The following TCERG1L variants were observed in gnomAD, a reference collection of about 807,000 sequenced individuals.
TCERG1L encodes transcription elongation regulator 1 like.
A neutral mutation model predicts 56.3 loss-of-function variants in TCERG1L; 37 were observed. The ratio of observed to expected loss-of-function variants is 0.66; its 90% CI spans 0.51 to 0.87. TCERG1L has a LOEUF of 0.87. TCERG1L is among the 40% of genes least tolerant of loss of function. The probability of loss-of-function intolerance (pLI) is 0.00; values close to 1 mark genes in which losing one functional copy is unlikely to be tolerated. For synonymous variants in TCERG1L, 324 were observed against 326.3 expected (o/e 0.99, Z 0.08); for missense variants, 799 against 774.2 (o/e 1.03, Z -0.38).
chr10:131,293,283 T>C (rs577992287), intron 3 of TCERG1L, among the ~76,000 whole-genome samples: 11 of 152,236 alleles, frequency 7.2e-5, no homozygotes, highest in Non-Finnish European at 1.5e-4. Flanking sequence ...GATGGTTTCA[T>C]GTTTAACATC....
In TCERG1L at chr10:131,260,617, A is replaced by G. The variant is rs987972956; in HGVS notation, c.671-173T>C. 2.0e-5 allele frequency among the ~76,000 whole-genome samples: 3 copies of G among 152,130 alleles called. No homozygotes were observed. The highest frequency in any genetic ancestry group is 2.0e-4 in the Admixed American group (3 of 15,278). On this transcript the variant is annotated intron_variant, in intron 3 of 11. Coordinates refer to ENST00000368642, the MANE Select transcript of TCERG1L (RefSeq NM_174937.4). This position sits in a 1 kb window ranked among gnomAD's most constrained non-coding sequence, Gnocchi z 5.8. ...ACCGTCCGCAGAACAAATGCTTCTG[A>G]TGAGTTCTCCATCAGTCAAACGCTG... is the stretch of plus-strand genomic sequence containing the variant.
Position 131,268,796 on chromosome 10 carries a change from T to C in TCERG1L, c.671-8352A>G, listed in dbSNP as rs866962759. Among the ~76,000 whole-genome samples the C allele has an allele frequency of 2.6e-5, 4 of 152,332 alleles. No homozygotes were observed. In the Middle Eastern group the frequency reaches 0.01, roughly 389 times the overall value. On this transcript the variant is annotated intron_variant, in intron 3 of 11. Coordinates refer to ENST00000368642, the MANE Select transcript of TCERG1L (RefSeq NM_174937.4). ...TTTTCTTCTGCTGCTTCCTCACCTC[T>C]CTCAGCCTTCACAGAGTTGAAGACA...
At chr10:131,131,223 A>G (rs1300756112) in intron 8 of TCERG1L, among the ~76,000 whole-genome samples, 2 of 152,306 alleles carry the variant, frequency 1.3e-5, no homozygotes, top group Admixed American at 1.3e-4. Context: ...AGGCAACTGC[A>G]GTGATACCAC....
intron 4 of TCERG1L, among the ~76,000 whole-genome samples, chr10:131,208,934 TG>T (rs1845582540): frequency 1.3e-5 from 2 of 152,070 alleles, no homozygotes; most frequent in South Asian, 4.2e-4. Flanking sequence ...GGCAGGCGCC[TG>T]TAGTCCCAGC....
intron 3 of TCERG1L, among the ~76,000 whole-genome samples, chr10:131,307,509 G>A (rs1846828582): frequency 6.6e-6 from 1 of 152,198 alleles, no homozygotes; most frequent in Non-Finnish European, 1.5e-5. Context: ...ATAATGGAAG[G>A]TGTTGCACGA....
intron 3 of TCERG1L, among the ~76,000 whole-genome samples, chr10:131,263,416 G>C (rs748053941): frequency 6.6e-6 from 1 of 152,162 alleles, no homozygotes; most frequent in South Asian, 2.1e-4. Flanking sequence ...TCCATCTTTT[G>C]TTATATTGCA....
chr10:131,141,420 G>T (rs1845737871), intron 7 of TCERG1L, among the ~76,000 whole-genome samples: 1 of 151,498 alleles, frequency 6.6e-6, no homozygotes, highest in Non-Finnish European at 1.5e-5. Context: ...TGCTGCGCGG[G>T]GTCACCCCAC....
chr10:131,205,474 C>T (rs1409176551), intron 4 of TCERG1L, among the ~76,000 whole-genome samples: 1 of 152,088 alleles, frequency 6.6e-6, no homozygotes, highest in Non-Finnish European at 1.5e-5. Context: ...TGAATTATTC[C>T]CACAATGATT....
intron 8 of TCERG1L, among the ~76,000 whole-genome samples, chr10:131,121,954 A>T (rs1025881483): frequency 6.6e-6 from 1 of 152,188 alleles, no homozygotes; most frequent in African/African-American, 2.4e-5. Context: ...CAGTCTGTGG[A>T]GGGTTCCAGA....
At chr10:131,256,958 A>G (rs1236929114) in intron 4 of TCERG1L, among the ~76,000 whole-genome samples, 2 of 41,286 alleles carry the variant, frequency 4.8e-5, no homozygotes, top group Admixed American at 2.1e-4. Context: ...AGAAGGAAGG[A>G]AGGAAGGAAG....
At chr10:131,189,570 C>T (rs973011485) in intron 4 of TCERG1L, among the ~76,000 whole-genome samples, 2 of 152,114 alleles carry the variant, frequency 1.3e-5, no homozygotes, top group Admixed American at 6.5e-5. Context: ...TTTCCTTTAT[C>T]GTATCTTCCA....
At chr10:131,248,108 A>G (rs1471145941) in intron 4 of TCERG1L, among the ~76,000 whole-genome samples, 2 of 151,712 alleles carry the variant, frequency 1.3e-5, no homozygotes, top group Admixed American at 6.6e-5. Context: ...CACACACATG[A>G]TACACACACT....
intron 4 of TCERG1L, among the ~76,000 whole-genome samples, chr10:131,177,242 A>G (rs557404510): frequency 6.6e-6 from 1 of 152,200 alleles, no homozygotes; most frequent in East Asian, 1.9e-4. Flanking sequence ...ACACATGTAC[A>G]CTACACACAC....
At chr10:131,189,777 C>T (rs896303916) in intron 4 of TCERG1L, among the ~76,000 whole-genome samples, 1 of 152,136 alleles carries the variant, frequency 6.6e-6, no homozygotes, top group African/African-American at 2.4e-5. Context: ...AGAGGTTGTA[C>T]TAATTTACAT....
At chr10:131,093,656 C>T (rs186896765) in intron 11 of TCERG1L, among the ~76,000 whole-genome samples, 1 of 152,190 alleles carries the variant, frequency 6.6e-6, no homozygotes, top group Non-Finnish European at 1.5e-5. Flanking sequence ...GTCTCCTCCG[C>T]CCCTCCCTTG....
At chr10:131,254,331 GATTT>G (rs1396373666) in intron 4 of TCERG1L, among the ~76,000 whole-genome samples, 15 of 127,958 alleles carry the variant, frequency 1.2e-4, no homozygotes, top group African/African-American at 1.5e-4. Flanking sequence ...AGTAAGTATT[GATTT>G]ATTTATTTAT....
At chr10:131,122,535 T>C (rs553432089) in intron 8 of TCERG1L, among the ~76,000 whole-genome samples, 2 of 152,350 alleles carry the variant, frequency 1.3e-5, no homozygotes, top group South Asian at 2.1e-4. Context: ...CACATTAGCA[T>C]ACTGGCAGCA....
intron 4 of TCERG1L, among the ~76,000 whole-genome samples, chr10:131,186,596 T>C (rs949519885): frequency 2.6e-5 from 4 of 152,232 alleles, no homozygotes; most frequent in East Asian, 1.9e-4. Context: ...TGGAAGGTTA[T>C]AGAAAGAAAA....
At chr10:131,289,521 T>C in intron 3 of TCERG1L, among the ~76,000 whole-genome samples, 1 of 127,916 alleles carries the variant, frequency 7.8e-6, no homozygotes. Flanking sequence ...GTGCACTGCC[T>C]CCATCTCCTA....
Sources: allele counts gnomAD v4.1 joint callset (sites outside exome capture counted in the v4.1 genomes callset), GRCh38; gene constraint gnomAD v4.1.1; non-coding constraint Gnocchi (gnomAD v3.1); transcripts MANE v1.5; gene names NCBI Gene and HGNC (gene_info 2026-07-23, HGNC 2026-07-21).